ZCCHC10: variants seen among roughly 807,000 people sequenced by gnomAD.
The protein encoded by ZCCHC10 is zinc finger CCHC domain-containing protein 10.
Under a neutral mutation model 19.5 loss-of-function variants are expected in ZCCHC10, and 16 were observed. That is an observed-to-expected ratio of 0.82 (90% CI 0.56 to 1.25). The LOEUF is 1.25. Among genes scored for constraint, ZCCHC10 ranks in the 50% most tolerant of loss-of-function variants. The pLI, the probability that ZCCHC10 is intolerant of heterozygous loss-of-function variation, is 0.00. For synonymous variants in ZCCHC10, 67 were observed against 72.5 expected (o/e 0.92, Z 0.38); for missense variants, 197 against 201.0 (o/e 0.98, Z 0.12).
intron 2 of ZCCHC10, chr5:133,011,450 C>A (rs1490554771): frequency 1.3e-5 from 2 of 151,340 alleles, no homozygotes; most frequent in Admixed American, 1.3e-4. Context: ...TGATGAAACC[C>A]CATCTCTAAT....
Position 132,998,566 on chromosome 5 carries a change from A to G in ZCCHC10, c.*17T>C. 1 of 1,606,500 alleles carries G rather than the reference A, an allele frequency of 6.2e-7. No homozygotes were observed. The highest frequency in any genetic ancestry group is 8.5e-7 in the Non-Finnish European group (1 of 1,176,518). ...TCAATGTTTTCAGTCCATCAGTCCA[A>G]TATGAATGGAGCAACTCTATTTCTT... On this transcript the variant is annotated 3_prime_UTR_variant, in exon 5 of 5. Coordinates refer to ENST00000509437, the MANE Select transcript of ZCCHC10 (RefSeq NM_001300816.3).
chr5:133,003,962 G>A (rs1762941956), intron 3 of ZCCHC10, among the ~76,000 whole-genome samples: 5 of 152,120 alleles, frequency 3.3e-5, no homozygotes, highest in Middle Eastern at 6.8e-3. Context: ...CACCCACCTC[G>A]GCCTCCCATA....
At chr5:133,007,553 A>G (rs907597377) in intron 2 of ZCCHC10, among the ~76,000 whole-genome samples, 6 of 151,922 alleles carry the variant, frequency 3.9e-5, no homozygotes, top group Non-Finnish European at 7.4e-5. Flanking sequence ...ACAAAAAAAA[A>G]AAAAAACAAA....
chr5:133,018,697 C>G (rs1458103915), intron 2 of ZCCHC10, among the ~76,000 whole-genome samples: 1 of 152,116 alleles, frequency 6.6e-6, no homozygotes, highest in Admixed American at 6.6e-5. Context: ...CGTGAGCCAC[C>G]ACGTCCAGCC....
At chr5:133,008,945 T>G (rs923257452) in intron 2 of ZCCHC10, among the ~76,000 whole-genome samples, 2 of 151,902 alleles carry the variant, frequency 1.3e-5, no homozygotes, top group Non-Finnish European at 2.9e-5. Context: ...CCCAGGAGTT[T>G]GAGGCTACAG....
chr5:132,997,383 CA>C lies in ZCCHC10; in HGVS notation c.*1199del, dbSNP rs371916232. On this transcript the variant is annotated 3_prime_UTR_variant, in exon 5 of 5. Coordinates refer to ENST00000509437, the MANE Select transcript of ZCCHC10 (RefSeq NM_001300816.3). ...TTAAAAACCTATATTTAACCCAAATCAAATTTTTTCTACAAATGATACCTCT... is the reference window on the plus strand; with the variant it reads ...TTAAAAACCTATATTTAACCCAAATCAATTTTTTCTACAAATGATACCTCT... 45 of 152,178 alleles carry C rather than the reference CA, an allele frequency of 3.0e-4. No individual in the cohort carries two copies. The East Asian group carries it at 5.2e-3, about 18-fold the overall frequency. The allele number at this position is 152,178 out of a possible 1,614,324, so 9.4% of individuals were successfully genotyped here.
intron 2 of ZCCHC10, among the ~76,000 whole-genome samples, chr5:133,018,596 G>A (rs1254146287): frequency 1.3e-5 from 2 of 152,014 alleles, no homozygotes; most frequent in Admixed American, 6.6e-5. Context: ...ACAGGGTTTC[G>A]TCATGTTAAC....
intron 2 of ZCCHC10, among the ~76,000 whole-genome samples, chr5:133,015,816 A>G (rs752568830): frequency 6.6e-6 from 1 of 152,184 alleles, no homozygotes; most frequent in Non-Finnish European, 1.5e-5. Flanking sequence ...AAGCCACTAA[A>G]TTTTAGGAGT....
intron 2 of ZCCHC10, among the ~76,000 whole-genome samples, chr5:133,016,149 C>T (rs1466930898): frequency 1.3e-5 from 2 of 152,158 alleles, no homozygotes; most frequent in Non-Finnish European, 2.9e-5. Flanking sequence ...CCTGCTCCAG[C>T]CTGAAACCAG....
intron 2 of ZCCHC10, among the ~76,000 whole-genome samples, chr5:133,014,953 T>C (rs1034649267): frequency 6.6e-6 from 1 of 152,194 alleles, no homozygotes; most frequent in African/African-American, 2.4e-5. Context: ...AAAACAGAAG[T>C]GATGCTGTGT....
At chr5:133,017,874 G>A (rs1280859166) in intron 2 of ZCCHC10, among the ~76,000 whole-genome samples, 1 of 152,066 alleles carries the variant, frequency 6.6e-6, no homozygotes, top group African/African-American at 2.4e-5. Context: ...GCCAGGTGTG[G>A]TAGCTCACTC....
chr5:133,011,636 A>C (rs1763536245), intron 2 of ZCCHC10, among the ~76,000 whole-genome samples: 1 of 151,056 alleles, frequency 6.6e-6, no homozygotes, highest in South Asian at 2.1e-4. Context: ...AAAAAAAAAA[A>C]AAAAAAAAAA....
Position 133,026,518 on chromosome 5 carries a change from C to G in ZCCHC10, c.20G>C (p.Arg7Pro), listed in dbSNP as rs763610137. The change falls in exon 1 of 5, where the codon CGG becomes CCG. Residue 7 changes from arginine (R) to proline (P), a missense_variant. By Grantham distance (103) the Arg-to-Pro change is moderately radical. Coordinates refer to ENST00000509437, the MANE Select transcript of ZCCHC10 (RefSeq NM_001300816.3). Reference protein sequence around the residue: MATPMHRLIARRQAFDT... With the variant: MATPMHPLIARRQAFDT... The stretch of plus-strand genomic sequence containing the variant: ...TTACGCTTGTCTCCGGGCTATTAGC[C>G]GATGCATGGGAGTCGCCATCTTAGC... The G allele has an allele frequency of 1.6e-5, 26 of 1,613,800 alleles. No homozygotes were observed. The highest frequency in any genetic ancestry group is 2.0e-5 in the Non-Finnish European group (24 of 1,179,956).
At chr5:132,999,901 C>A (rs1762653366) in intron 4 of ZCCHC10, among the ~76,000 whole-genome samples, 1 of 152,108 alleles carries the variant, frequency 6.6e-6, no homozygotes, top group Non-Finnish European at 1.5e-5. Flanking sequence ...GCATGTGCCA[C>A]CACACCCAGC....
chr5:133,019,090 G>A (rs754851793), intron 2 of ZCCHC10: 1 of 451,652 alleles, frequency 2.2e-6, no homozygotes, highest in African/African-American at 2.0e-5. Flanking sequence ...ATCATCTAAA[G>A]CTCAGGTATG....
At chr5:133,025,525 A>AAAAAAAAAAG in intron 1 of ZCCHC10, among the ~76,000 whole-genome samples, 1 of 124,828 alleles carries the variant, frequency 8.0e-6, no homozygotes, top group Non-Finnish European at 1.6e-5. Context: ...AAAAAAAAAA[A>AAAAAAAAAAG]AAAAAAAAGA....
intron 2 of ZCCHC10, among the ~76,000 whole-genome samples, chr5:133,015,223 T>C (rs1437725518): frequency 6.6e-6 from 1 of 151,600 alleles, no homozygotes; most frequent in African/African-American, 2.4e-5. Context: ...GGATTACAGG[T>C]GCGCACCACC....
At position 132,998,702 on chromosome 5, in the gene ZCCHC10, A is replaced by G; in HGVS notation, c.460T>C (p.Ser154Pro). The G allele has an allele frequency of 6.2e-7, 1 of 1,614,110 alleles. No homozygotes were observed. The highest frequency in any genetic ancestry group is 8.5e-7 in the Non-Finnish European group (1 of 1,180,012). Residue 154 changes from serine (S) to proline (P), a missense_variant, in exon 5 of 5, where the codon TCC becomes CCC. Ser to Pro is a moderately conservative substitution (Grantham distance 74, BLOSUM62 -1). Coordinates refer to ENST00000509437, the MANE Select transcript of ZCCHC10 (RefSeq NM_001300816.3). ...TCAGAGGAGGAGGAAGAGGTTGTGG[A>G]GGAGGCTGAGGATGAGGAACTAGAG... ...SSSSSSSSAS[S>P]TTSSSSSDSD...
chr5:133,015,149 G>C (rs1286388601), intron 2 of ZCCHC10, among the ~76,000 whole-genome samples: 3 of 144,898 alleles, frequency 2.1e-5, no homozygotes, highest in African/African-American at 8.0e-5. Context: ...CGTGATCTCA[G>C]CTCACTGCAG....
Sources: allele counts gnomAD v4.1 joint callset (sites outside exome capture counted in the v4.1 genomes callset), GRCh38; gene constraint gnomAD v4.1.1; transcripts MANE v1.5; gene names NCBI Gene and HGNC (gene_info 2026-07-23, HGNC 2026-07-21).